The following PGCKA1 variants were observed in gnomAD, a reference collection of about 807,000 sequenced individuals.
The protein encoded by PGCKA1 is PDCD10 and GCKIII kinases-associated protein 1.
At chr4:37,472,188 T>C in the PGCKA1 span, among the ~76,000 whole-genome samples, 1 of 152,218 alleles carries the variant, frequency 6.6e-6, no homozygotes, top group South Asian at 2.1e-4. Context: ...GACTTCAGCC[T>C]CCTGCCCTAC....
At chr4:37,567,593 G>GGT in the PGCKA1 span, among the ~76,000 whole-genome samples, 1 of 152,132 alleles carries the variant, frequency 6.6e-6, no homozygotes, top group African/African-American at 2.4e-5. Context: ...CTGCTGGTGT[G>GGT]GTGTGATCAA....
At chr4:37,567,262 A>G in the PGCKA1 span, among the ~76,000 whole-genome samples, 31,671 of 152,088 alleles carry the variant, frequency 0.21, 3,660 homozygotes, top group Non-Finnish European at 0.28. Flanking sequence ...GGTTGTTTTA[A>G]AGTTGAAATG....
At chr4:37,562,766 G>A in the PGCKA1 span, among the ~76,000 whole-genome samples, 6 of 152,046 alleles carry the variant, frequency 3.9e-5, no homozygotes, top group Non-Finnish European at 7.3e-5. Flanking sequence ...CTATATACTT[G>A]TCTCCTTTCC....
At chr4:37,464,572 G>A in the PGCKA1 span, among the ~76,000 whole-genome samples, 449 of 152,274 alleles carry the variant, frequency 2.9e-3, 20 homozygotes, top group East Asian at 0.072. Context: ...CAGAATGGGA[G>A]GTACAGGATG....
At chr4:37,526,231 A>T in the PGCKA1 span, among the ~76,000 whole-genome samples, 1 of 152,232 alleles carries the variant, frequency 6.6e-6, no homozygotes, top group Admixed American at 6.5e-5. Flanking sequence ...TAATCAGATT[A>T]TGAAATTCTT....
chr4:37,590,977 G>A, the PGCKA1 span: 7 of 1,612,654 alleles, frequency 4.3e-6, no homozygotes, highest in Non-Finnish European at 5.9e-6. Context: ...TACTGCAGGA[G>A]AAGATTTGGA....
the PGCKA1 span, among the ~76,000 whole-genome samples, chr4:37,587,106 AGT>A: frequency 6.6e-6 from 1 of 152,104 alleles, no homozygotes; most frequent in Admixed American, 6.6e-5. Context: ...GGGGGCTGCC[AGT>A]ACTCTTGGTT....
the PGCKA1 span, among the ~76,000 whole-genome samples, chr4:37,537,116 A>G: frequency 5.3e-5 from 8 of 152,246 alleles, no homozygotes; most frequent in Non-Finnish European, 1.0e-4. Flanking sequence ...TATGTAACCC[A>G]TAAGATTGTT....
chr4:37,584,803 C>T, the PGCKA1 span, among the ~76,000 whole-genome samples: 1 of 151,898 alleles, frequency 6.6e-6, no homozygotes, highest in African/African-American at 2.4e-5. Context: ...CGCCTTCTTG[C>T]CCTCCTTCGC....
At chr4:37,550,100 T>C in the PGCKA1 span, among the ~76,000 whole-genome samples, 1 of 152,122 alleles carries the variant, frequency 6.6e-6, no homozygotes, top group East Asian at 1.9e-4. Flanking sequence ...GTTTGTATAA[T>C]AACACTCAGT....
the PGCKA1 span, among the ~76,000 whole-genome samples, chr4:37,536,203 G>A: frequency 6.6e-6 from 1 of 152,144 alleles, no homozygotes; most frequent in Non-Finnish European, 1.5e-5. Flanking sequence ...ATTTGGGATA[G>A]GGGCACAGCG....
chr4:37,460,093 T>C, the PGCKA1 span, among the ~76,000 whole-genome samples: 1,216 of 152,276 alleles, frequency 8.0e-3, 14 homozygotes, highest in Admixed American at 0.032. Context: ...GGTGTTTGGT[T>C]TTCTGCTCCT....
the PGCKA1 span, among the ~76,000 whole-genome samples, chr4:37,489,607 G>A: frequency 9.5e-4 from 145 of 152,188 alleles, 1 homozygote; most frequent in African/African-American, 3.3e-3. Flanking sequence ...GAGAATTGTG[G>A]GTGACTCTGA....
the PGCKA1 span, among the ~76,000 whole-genome samples, chr4:37,559,684 G>A: frequency 0.013 from 1,907 of 152,190 alleles, 101 homozygotes; most frequent in East Asian, 0.14. Flanking sequence ...ACTAGTCCTC[G>A]AGATGATTCC....
the PGCKA1 span, among the ~76,000 whole-genome samples, chr4:37,584,990 T>A: frequency 7.4e-6 from 1 of 134,448 alleles, no homozygotes; most frequent in African/African-American, 2.9e-5. Context: ...AGCTCTTTTC[T>A]CCTTTTCTTT....
chr4:37,454,214 T>C, the PGCKA1 span, among the ~76,000 whole-genome samples: 1 of 152,140 alleles, frequency 6.6e-6, no homozygotes, highest in African/African-American at 2.4e-5. Context: ...GTTTGATGAC[T>C]TCGGGAAAAG....
chr4:37,551,658 T>C, the PGCKA1 span, among the ~76,000 whole-genome samples: 1 of 152,204 alleles, frequency 6.6e-6, no homozygotes, highest in South Asian at 2.1e-4. Flanking sequence ...GTTAGAAATA[T>C]GACAAAACTG....
At chr4:37,491,270 C>CT in the PGCKA1 span, among the ~76,000 whole-genome samples, 1 of 152,314 alleles carries the variant, frequency 6.6e-6, no homozygotes, top group East Asian at 1.9e-4. Context: ...TGGCTTAGCT[C>CT]TTTATTCTCT....
chr4:37,575,555 C>T, the PGCKA1 span, among the ~76,000 whole-genome samples: 1 of 151,914 alleles, frequency 6.6e-6, no homozygotes, highest in Non-Finnish European at 1.5e-5. Flanking sequence ...TGGGTTGTCT[C>T]TTCACTCCGT....
Sources: gnomAD v4.1 joint callset for allele counts (sites outside exome capture counted in the v4.1 genomes callset) on GRCh38, gnomAD v4.1.1 for gene constraint, MANE v1.5 for transcripts, NCBI Gene and HGNC (gene_info 2026-07-23, HGNC 2026-07-21) for gene names.